Variants in GNE observed in about 807,000 individuals in gnomAD.
The protein encoded by GNE is glucosamine (UDP-N-acetyl)-2-epimerase/N-acetylmannosamine kinase, also known as bifunctional UDP-N-acetylglucosamine 2-epimerase/N-acetylmannosamine kinase.
A neutral mutation model predicts 61.8 loss-of-function variants in GNE; 41 were observed. The observed-to-expected ratio is 0.66, with a 90% CI of 0.52 to 0.86. The LOEUF is 0.86. Among genes scored for constraint, GNE ranks in the 40% least tolerant of loss-of-function variants. GNE has a pLI of 0.00. For synonymous variants in GNE, 264 were observed against 326.4 expected (o/e 0.81, Z 2.06); for missense variants, 608 against 909.1 (o/e 0.67, Z 4.26).
chr9:36,254,939 T>TGATC (rs1830268499), intron 1 of GNE, among the ~76,000 whole-genome samples: 1 of 151,768 alleles, frequency 6.6e-6, no homozygotes, highest in Non-Finnish European at 1.5e-5. Context: ...GCAACAAGAG[T>TGATC]GAGATTCCAT....
In GNE at chr9:36,250,412, C is replaced by A. The variant is rs183775849; in HGVS notation, c.-42-1015G>T. ...CTATAAACACCTTAAAGTCAGTGTC[C>A]CAAACTGAACTCATTTTCTTTTCGG... On this transcript the variant is annotated intron_variant, in intron 1 of 11. Transcript: ENST00000642385. 2.6e-5 allele frequency among the ~76,000 whole-genome samples: 4 copies of A among 152,234 alleles called. No individual in the cohort carries two copies. In the East Asian group the frequency reaches 7.7e-4, roughly 29 times the overall value.
At chr9:36,251,492 T>C (rs1050098186) in intron 1 of GNE, among the ~76,000 whole-genome samples, 3 of 152,178 alleles carry the variant, frequency 2.0e-5, no homozygotes, top group African/African-American at 7.2e-5. Flanking sequence ...AGCACGATCA[T>C]AGCTCATTGC....
chr9:36,224,078 A>G (rs1044307873), intron 7 of GNE, among the ~76,000 whole-genome samples: 8 of 151,664 alleles, frequency 5.3e-5, no homozygotes, highest in Non-Finnish European at 1.0e-4. Context: ...CTTAAGTTCA[A>G]TGTTCGCTAA....
rs13290764 is a variant in GNE at position 36,218,861 on chromosome 9, G to A, written c.1817-562C>T. Among the ~76,000 whole-genome samples the A allele has an allele frequency of 8.5e-5, 13 of 152,332 alleles. No homozygotes were observed. Among genetic ancestry groups the A allele is most frequent in the Non-Finnish European group, 1.6e-4 (11 of 68,032 alleles). On this transcript the variant is annotated intron_variant, in intron 10 of 11. Coordinates refer to ENST00000642385, the MANE Select transcript of GNE (RefSeq NM_005476.7). This position sits in a 1 kb window ranked among gnomAD's most constrained non-coding sequence, Gnocchi z 4.1. Reference sequence around the variant, plus strand: ...CCCCTGGCAGGGTTATTTGAGGAACGGAATGAGATCATGGACATAAAGTAT... The same window carrying A: ...CCCCTGGCAGGGTTATTTGAGGAACAGAATGAGATCATGGACATAAAGTAT...
intron 10 of GNE, among the ~76,000 whole-genome samples, chr9:36,219,011 A>G (rs16933098): frequency 0.012 from 1,858 of 152,312 alleles, 37 homozygotes; most frequent in African/African-American, 0.041. Context: ...CTGCTAGAAT[A>G]TCTGGACCCT....
intron 1 of GNE, among the ~76,000 whole-genome samples, chr9:36,252,862 T>C (rs944643295): frequency 2.0e-5 from 3 of 152,188 alleles, no homozygotes; most frequent in Middle Eastern, 3.4e-3. Flanking sequence ...CTTCCATGGA[T>C]AAACTATGAT....
In GNE at chr9:36,236,688, A is replaced by G. The variant is rs1171739654; in HGVS notation, c.769+144T>C. On this transcript the variant is annotated intron_variant, in intron 4 of 11. Coordinates refer to ENST00000642385, the MANE Select transcript of GNE (RefSeq NM_005476.7). ...CTTTTTGAGTTATAGCAAAATTGGT[A>G]ATCCTTTGAAAATTGGAATGCATTT... 6.6e-6 allele frequency: 5 copies of G among 761,268 alleles called. No homozygotes were observed. The South Asian group carries it at 7.5e-5, about 11-fold the overall frequency. The allele number at this position is 761,268 out of a possible 1,614,324, so 47.2% of individuals were successfully genotyped here.
chr9:36,274,068 CTGTGTGTGTG>C (rs71336439), intron 1 of GNE, among the ~76,000 whole-genome samples: 4,608 of 142,246 alleles, frequency 0.032, 118 homozygotes, highest in East Asian at 0.15. Context: ...GTCTATGGTA[CTGTGTGTGTG>C]TGTGTGTGTG....
upstream of GNE, chr9:36,258,518 G>C: frequency 1.0e-6 from 1 of 985,492 alleles, no homozygotes; most frequent in Non-Finnish European, 1.2e-6. Context: ...CCGAATCCGC[G>C]ATCGCGCCCT....
intron 6 of GNE, among the ~76,000 whole-genome samples, chr9:36,227,931 G>A (rs1373616316): frequency 2.7e-5 from 4 of 150,526 alleles, no homozygotes; most frequent in African/African-American, 9.8e-5. Flanking sequence ...TACTCAGGAG[G>A]TTGAGGCAGG....
chr9:36,270,408 T>C (rs965038969), intron 1 of GNE, among the ~76,000 whole-genome samples: 1 of 152,120 alleles, frequency 6.6e-6, no homozygotes, highest in African/African-American at 2.4e-5. Context: ...AATAGTGTTT[T>C]AGAATCAAGA....
In GNE at chr9:36,233,930, T is replaced by C; in HGVS notation, c.972A>G (p.Gly324=). Residue 324 remains glycine, a synonymous_variant, in exon 5 of 12, where the codon GGA becomes GGG. Transcript: ENST00000642385. ...AGCAAAGGTAAATACCTGTTTCTCT[T>C]CCAATCTGACGTGTTCCCAGGTTGA... ...PVINLGTRQI[G]RETGENVLHV... The C allele has an allele frequency of 6.2e-7, 1 of 1,613,008 alleles. No homozygotes were observed. Among genetic ancestry groups the C allele is most frequent in the Non-Finnish European group, 8.5e-7 (1 of 1,178,946 alleles).
chr9:36,254,076 G>C (rs773109103), intron 1 of GNE, among the ~76,000 whole-genome samples: 1 of 151,612 alleles, frequency 6.6e-6, no homozygotes, highest in East Asian at 1.9e-4. Flanking sequence ...ATGGTAGCGC[G>C]TGCCTGTAAT....
intron 11 of GNE, among the ~76,000 whole-genome samples, chr9:36,217,879 A>C (rs954237859): frequency 1.3e-5 from 2 of 152,232 alleles, no homozygotes; most frequent in African/African-American, 4.8e-5. Context: ...GATACCTCCA[A>C]ATGGGAAAAC....
chr9:36,233,003 A>G (rs182728976), intron 5 of GNE, among the ~76,000 whole-genome samples: 19 of 152,374 alleles, frequency 1.2e-4, no homozygotes, highest in Admixed American at 1.1e-3. Context: ...AGATCTAAAT[A>G]TAACAGAAAG....
intron 7 of GNE, among the ~76,000 whole-genome samples, chr9:36,225,233 TTTG>T (rs1424284644): frequency 6.6e-6 from 1 of 152,196 alleles, no homozygotes; most frequent in Non-Finnish European, 1.5e-5. Context: ...CTTAGGAGTT[TTTG>T]TTGTTGTTCT....
intron 1 of GNE, chr9:36,267,982 T>A (rs994577201): frequency 3.3e-5 from 5 of 151,924 alleles, no homozygotes; most frequent in African/African-American, 1.2e-4. Flanking sequence ...AAAAAATATT[T>A]AAAAAATTTA....
At chr9:36,226,857 C>A (rs997494219) in intron 7 of GNE, among the ~76,000 whole-genome samples, 3 of 152,194 alleles carry the variant, frequency 2.0e-5, no homozygotes, top group African/African-American at 7.2e-5. Context: ...CACAACTGAT[C>A]ACATTCTAGA....
At chr9:36,264,449 A>G (rs12379347) in intron 1 of GNE, among the ~76,000 whole-genome samples, 33,670 of 152,008 alleles carry the variant, frequency 0.22, 4,734 homozygotes, top group Non-Finnish European at 0.31. Flanking sequence ...TCCTCTTTTT[A>G]AAAAAGATGC....
Sources: allele counts gnomAD v4.1 joint callset (sites outside exome capture counted in the v4.1 genomes callset), GRCh38; gene constraint gnomAD v4.1.1; non-coding constraint Gnocchi (gnomAD v3.1); transcripts MANE v1.5; gene names NCBI Gene and HGNC (gene_info 2026-07-23, HGNC 2026-07-21).